Variants in LRP4 observed in about 807,000 individuals in gnomAD.
LRP4 encodes the protein low-density lipoprotein receptor-related protein 4.
In LRP4, 95 loss-of-function variants were observed where a neutral mutation model predicts 220.3. The ratio of observed to expected loss-of-function variants is 0.43; its 90% CI spans 0.37 to 0.51. LRP4 has a LOEUF of 0.51. LRP4 is among the 20% of genes least tolerant of loss of function. The pLI, the probability that LRP4 is intolerant of heterozygous loss-of-function variation, is 0.00. For synonymous variants in LRP4, 903 were observed against 954.6 expected, an observed-to-expected ratio of 0.95 and a Z score of 1.00; for missense variants, 1,925 against 2,567.0, an observed-to-expected ratio of 0.75 and a Z score of 5.40.
intron 25 of LRP4, 42 bp from the exon 26 acceptor site, chr11:46,876,008 A>G (rs369905454): frequency 6.3e-6 from 10 of 1,582,822 alleles, no homozygotes; most frequent in South Asian, 5.5e-5. Context: ...TAGTTATTCC[A>G]GCAGCTACCA....
In LRP4 at chr11:46,892,969, T is replaced by C. The variant is rs1194043131; in HGVS notation, c.1697+4A>G. On this transcript the variant is annotated splice_donor_region_variant and intron_variant, in intron 13 of 37. Coordinates refer to ENST00000378623, the MANE Select transcript of LRP4 (RefSeq NM_002334.4). ...AAAGTTCGGGAGCCTGAGATACAACTTACCCCTCCATGGGATGCAAGGCAA... is the reference window on the plus strand; with the variant it reads ...AAAGTTCGGGAGCCTGAGATACAACCTACCCCTCCATGGGATGCAAGGCAA... 1 of 1,612,750 alleles carries C rather than the reference T, an allele frequency of 6.2e-7. No individual in the cohort carries two copies. The highest frequency in any genetic ancestry group is 8.5e-7 in the Non-Finnish European group (1 of 1,179,898).
intron 2 of LRP4, among the ~76,000 whole-genome samples, chr11:46,902,014 T>C (rs111433656): frequency 1.3e-5 from 2 of 150,830 alleles, no homozygotes; most frequent in African/African-American, 2.4e-5. Context: ...ATTACAGGCA[T>C]GAGCCACTGC....
Position 46,876,466 on chromosome 11 carries a change from C to T in LRP4, c.3536G>A (p.Gly1179Glu). 2 of 1,614,200 alleles carry T rather than the reference C, an allele frequency of 1.2e-6. No homozygotes were observed. Among genetic ancestry groups the T allele is most frequent in the Non-Finnish European group, 1.7e-6 (2 of 1,180,042 alleles). Residue 1179 changes from glycine (G) to glutamate (E), a missense_variant and splice_region_variant, in exon 25 of 38, where the codon GGG becomes GAG. Physicochemically the swap from Gly to Glu is moderately conservative, Grantham distance 98. Transcript: ENST00000378623. ...CCAGTGCGATACAGCCAGCTCTCACCCCATCTCATGGTACAGTACGATGGC... is the reference window on the plus strand; with the variant it reads ...CCAGTGCGATACAGCCAGCTCTCACTCCATCTCATGGTACAGTACGATGGC... ...PRAIVLYHEM[G>E]FMYWTDWGEN...
At chr11:46,880,825 C>G (rs1430819824) in intron 20 of LRP4, among the ~76,000 whole-genome samples, 1 of 151,514 alleles carries the variant, frequency 6.6e-6, no homozygotes, top group African/African-American at 2.4e-5. Context: ...CCTATAATCC[C>G]AACACTTTGG....
At chr11:46,916,589 A>T (rs1565809901) in intron 1 of LRP4, among the ~76,000 whole-genome samples, 1 of 145,932 alleles carries the variant, frequency 6.9e-6, no homozygotes, top group Admixed American at 7.0e-5. Flanking sequence ...ACAGCTCTGG[A>T]GCAGTAAAAT....
At chr11:46,904,044 A>T (rs1941717234) in intron 1 of LRP4, among the ~76,000 whole-genome samples, 1 of 152,168 alleles carries the variant, frequency 6.6e-6, no homozygotes, top group South Asian at 2.1e-4. Flanking sequence ...CCTCAGCTGG[A>T]ACAAAGGGTT....
chr11:46,888,978 G>C (rs1311734582), intron 16 of LRP4, among the ~76,000 whole-genome samples: 2 of 152,188 alleles, frequency 1.3e-5, no homozygotes, highest in African/African-American at 4.8e-5. Flanking sequence ...TATTTATCCA[G>C]GACCCGCTTA....
chr11:46,895,790 A>G (rs1404968308), intron 10 of LRP4, 94 bp downstream of exon 10: 3 of 1,549,572 alleles, frequency 1.9e-6, no homozygotes, highest in African/African-American at 2.7e-5. Context: ...ATGAGGTCAC[A>G]CCGTTCAAAT....
At position 46,879,188 on chromosome 11, in the gene LRP4, G is replaced by C. The variant is rs562287153; in HGVS notation, c.2942C>G (p.Thr981Ser). 3 of 1,614,222 alleles carry C rather than the reference G, an allele frequency of 1.9e-6. No homozygotes were observed. In the South Asian group the frequency reaches 3.3e-5, roughly 18 times the overall value. ...ADRLTGLDRE[T>S]LQENLENLMD... ...TAGGTTTTCCAGGTTCTCCTGCAGAGTCTCCCGGTCCAGCCCTGTCAGCCG... is the reference window on the plus strand; with the variant it reads ...TAGGTTTTCCAGGTTCTCCTGCAGACTCTCCCGGTCCAGCCCTGTCAGCCG... Residue 981 changes from threonine to serine, a missense_variant, in exon 21 of 38, where the codon ACT becomes AGT. Physicochemically the swap from Thr to Ser is moderately conservative, Grantham distance 58 (BLOSUM62 1). Transcript: ENST00000378623.
At chr11:46,911,841 CTTTTTT>C (rs540593524) in intron 1 of LRP4, among the ~76,000 whole-genome samples, 1 of 118,810 alleles carries the variant, frequency 8.4e-6, no homozygotes, top group Non-Finnish European at 1.7e-5. Context: ...TGGGAATCTT[CTTTTTT>C]TTTTTTTTTT....
In LRP4 at chr11:46,883,199, T is replaced by C. The variant is rs142825903; in HGVS notation, c.2612+672A>G. The stretch of plus-strand genomic sequence containing the variant: ...GAAAAGTTTCCTTGTCCACAGAGAA[T>C]ACAAAGTTGTCACCAGCTGTTGGGA... On this transcript the variant is annotated intron_variant, in intron 19 of 37. Coordinates refer to ENST00000378623, the MANE Select transcript of LRP4 (RefSeq NM_002334.4). Among the ~76,000 whole-genome samples the C allele has an allele frequency of 3.6e-3, 549 of 152,332 alleles. 1 individual carries two copies. Among genetic ancestry groups the C allele is most frequent in the Middle Eastern group, 6.8e-3 (2 of 294 alleles).
intron 10 of LRP4, 110 bp downstream of exon 10, chr11:46,895,774 G>T: frequency 6.8e-7 from 1 of 1,476,272 alleles, no homozygotes; most frequent in Non-Finnish European, 9.3e-7. Flanking sequence ...TTATTGTGAG[G>T]ACGAAATGAG....
Position 46,899,046 on chromosome 11 carries a change from A to G in LRP4, c.548-14T>C. 5 of 1,607,432 alleles carry G rather than the reference A, an allele frequency of 3.1e-6. No homozygotes were observed. Among genetic ancestry groups the G allele is most frequent in the Non-Finnish European group, 4.3e-6 (5 of 1,175,860 alleles). On this transcript the variant is annotated splice_polypyrimidine_tract_variant and intron_variant, in intron 5 of 37. Coordinates refer to ENST00000378623, the MANE Select transcript of LRP4 (RefSeq NM_002334.4). The surrounding 1 kb of genome is among the most constrained non-coding windows in gnomAD (Gnocchi z 5.9). ...GCACTGCTGAGGCTGGAGGGAAGGC[A>G]GGGGTGGGGAGGGGCACACACTCAG...
chr11:46,910,974 C>A (rs1482446177), intron 1 of LRP4, among the ~76,000 whole-genome samples: 1 of 152,148 alleles, frequency 6.6e-6, no homozygotes, highest in Non-Finnish European at 1.5e-5. Context: ...CCACACCCAG[C>A]AAATCTTTGC....
rs1009719367 is a variant in LRP4 at position 46,858,453 on chromosome 11, C to T, written c.*530G>A. The T allele has an allele frequency of 5.2e-6, 1 of 191,748 alleles. No individual in the cohort carries two copies. The highest frequency in any genetic ancestry group is 1.1e-5 in the Non-Finnish European group (1 of 90,528). The allele number at this position is 191,748 out of a possible 1,614,324, so 11.9% of individuals were successfully genotyped here. On this transcript the variant is annotated 3_prime_UTR_variant, in exon 38 of 38. Transcript: ENST00000378623. ...TTTCATGTTACTAACACACTTGAGG[C>T]TGGAGGTTTCCCAGATGCCCATACC...
chr11:46,911,387 C>T (rs1202581106), intron 1 of LRP4, among the ~76,000 whole-genome samples: 4 of 152,002 alleles, frequency 2.6e-5, no homozygotes, highest in Non-Finnish European at 4.4e-5. Context: ...TATTGCTTTC[C>T]CTTCCCCCTA....
At chr11:46,867,861 A>G in intron 34 of LRP4, 118 bp downstream of exon 34, 1 of 1,196,014 alleles carries the variant, frequency 8.4e-7, no homozygotes, top group Non-Finnish European at 1.2e-6. Flanking sequence ...AATAACAGGG[A>G]CTGGTAGCTC....
intron 20 of LRP4, among the ~76,000 whole-genome samples, chr11:46,881,139 GTGA>G (rs1941149214): frequency 6.8e-6 from 1 of 147,762 alleles, no homozygotes; most frequent in African/African-American, 2.5e-5. Flanking sequence ...TTGTACTGTG[GTGA>G]TGTAAGACAA....
chr11:46,890,398 G>T lies in LRP4; in HGVS notation c.1794C>A (p.Phe598Leu), dbSNP rs752889847. 2 of 1,614,094 alleles carry T rather than the reference G, an allele frequency of 1.2e-6. No individual in the cohort carries two copies. Among genetic ancestry groups the T allele is most frequent in the Admixed American group, 3.3e-5 (2 of 60,014 alleles). The change falls in exon 14 of 38, where the codon TTC becomes TTA. Residue 598 changes from phenylalanine (F) to leucine (L), a missense_variant. Physicochemically the swap from Phe to Leu is conservative, Grantham distance 22. Around this residue, in one of 3 missense-constraint regions of LRP4, gnomAD observed 269 missense variants for 436.7 expected, o/e 0.62. Transcript: ENST00000378623. The surrounding 1 kb of genome is among the most constrained non-coding windows in gnomAD (Gnocchi z 5.3). ...AGTCGATGGTGAGGCCATTGGGCCA[G>T]AAGAGATGGGTATCGGCAATGATGC... ...GRRIIADTHL[F>L]WPNGLTIDYA...
Sources: gnomAD v4.1 joint callset for allele counts (sites outside exome capture counted in the v4.1 genomes callset) on GRCh38, gnomAD v4.1.1 for gene constraint, gnomAD v4.1.1 regional missense constraint, Gnocchi (gnomAD v3.1) non-coding constraint, MANE v1.5 for transcripts, NCBI Gene and HGNC (gene_info 2026-07-23, HGNC 2026-07-21) for gene names.